CEP290: variants seen among roughly 807,000 people sequenced by gnomAD.
CEP290 encodes centrosomal protein of 290 kDa.
CEP290 carries 317 observed loss-of-function variants against 344.9 expected under a neutral mutation model. That is an observed-to-expected ratio of 0.92 (90% CI 0.84 to 1.01). CEP290 has a LOEUF of 1.01. CEP290 is among the 50% of genes least tolerant of loss of function. The pLI, the probability that CEP290 is intolerant of heterozygous loss-of-function variation, is 0.00. For missense variants in CEP290, 2,754 were observed against 2,761.4 expected, an observed-to-expected ratio of 1.00 and a Z score of 0.06; for synonymous variants, 932 against 895.8, an observed-to-expected ratio of 1.04 and a Z score of -0.72.
Position 88,118,405 on chromosome 12 carries a change from T to G in CEP290, c.1711+78A>C, listed in dbSNP as rs868360023. The G allele has an allele frequency of 1.8e-4, 217 of 1,179,654 alleles. No individual in the cohort carries two copies. In the Middle Eastern group the frequency reaches 2.8e-3, roughly 15 times the overall value. The allele number at this position is 1,179,654 out of a possible 1,614,324, so 73.1% of individuals were successfully genotyped here. ...TCCACAATAGAACAGCAAAAACAGC[T>G]AAGACACAAATAATTTCATATCCAG... On this transcript the variant is annotated intron_variant, in intron 17 of 53. Transcript: ENST00000552810.
chr12:88,098,524 A>C (rs917542319), intron 26 of CEP290, among the ~76,000 whole-genome samples: 1 of 151,958 alleles, frequency 6.6e-6, no homozygotes, highest in African/African-American at 2.4e-5. Context: ...AGGTGGGAGA[A>C]TTACTTGATC....
rs2033930168 is a variant in CEP290, at chr12:88,055,567, GTTAC to G, written c.6960+5_6960+8del. ...ATTTTATCATGTAAAGAAAAATTAC[GTTAC>G]TTACCTGTTGTTCAAGGTCTTCATT... On this transcript the variant is annotated splice_donor_5th_base_variant and intron_variant, in intron 50 of 53. Coordinates refer to ENST00000552810, the MANE Select transcript of CEP290 (RefSeq NM_025114.4). 1.9e-6 allele frequency: 3 copies of G among 1,556,398 alleles called. No individual in the cohort carries two copies. Among genetic ancestry groups the G allele is most frequent in the Non-Finnish European group, 2.6e-6 (3 of 1,153,388 alleles).
At chr12:88,078,748 A>C (rs1024168120) in intron 39 of CEP290, among the ~76,000 whole-genome samples, 23 of 152,100 alleles carry the variant, frequency 1.5e-4, no homozygotes, top group African/African-American at 9.7e-5. Context: ...GATATACAGG[A>C]AATCTCTGTA....
At chr12:88,078,112 C>T (rs538575632) in intron 39 of CEP290, among the ~76,000 whole-genome samples, 194 bp from the exon 40 acceptor site, 9 of 146,804 alleles carry the variant, frequency 6.1e-5, no homozygotes, top group South Asian at 2.1e-4. Flanking sequence ...GGAAAAAAGT[C>T]GACTTTGAGA....
At chr12:88,102,641 TTGTGTG>T (rs59853208) in intron 26 of CEP290, among the ~76,000 whole-genome samples, 191 bp downstream of exon 26, 1 of 151,146 alleles carries the variant, frequency 6.6e-6, no homozygotes, top group African/African-American at 2.4e-5. Flanking sequence ...AGATAATATA[TTGTGTG>T]TGTGTGTGTG....
At chr12:88,086,294 A>C in intron 33 of CEP290, 97 bp downstream of exon 33, 1 of 1,418,556 alleles carries the variant, frequency 7.0e-7, no homozygotes, top group Non-Finnish European at 9.5e-7. Flanking sequence ...TATACAATAT[A>C]ACATCAATTA....
rs184018899 is a variant in CEP290 at position 88,118,524 on chromosome 12, C to T, written c.1670G>A (p.Arg557His). The change falls in exon 17 of 54, where the codon CGT becomes CAT. Residue 557 changes from arginine to histidine, a missense_variant. Physicochemically the swap from Arg to His is conservative, Grantham distance 29 (BLOSUM62 0). Coordinates refer to ENST00000552810, the MANE Select transcript of CEP290 (RefSeq NM_025114.4). ...EERLDLKKKI[R>H]QMAQERGKRS... Reference sequence around the variant, plus strand: ...TTTTCCTCTTTCTTGAGCCATTTGACGAATTTTTTTTTTCAGATCAAGTCG... The same window carrying T: ...TTTTCCTCTTTCTTGAGCCATTTGATGAATTTTTTTTTTCAGATCAAGTCG... The T allele has an allele frequency of 6.9e-4, 1,091 of 1,573,566 alleles. 2 individuals carry two copies. Among genetic ancestry groups the T allele is most frequent in the Non-Finnish European group, 8.0e-4 (928 of 1,157,476 alleles).
intron 11 of CEP290, among the ~76,000 whole-genome samples, chr12:88,128,631 G>A (rs2039875720): frequency 6.6e-6 from 1 of 152,028 alleles, no homozygotes; most frequent in Non-Finnish European, 1.5e-5. Flanking sequence ...AGGTAACTAT[G>A]AGTTAAGTAA....
In CEP290 at chr12:88,080,401, G is replaced by A. The variant is rs2137107114; in HGVS notation, c.5013-6C>T. On this transcript the variant is annotated splice_polypyrimidine_tract_variant and splice_region_variant and intron_variant, in intron 37 of 53. Transcript: ENST00000552810. ...CTTCATGGTTTTCTTGAAGCCTGATGTAAATAAACATATGTGTGTGTGTGT... is the reference window on the plus strand; with the variant it reads ...CTTCATGGTTTTCTTGAAGCCTGATATAAATAAACATATGTGTGTGTGTGT... 1 of 1,598,436 alleles carries A rather than the reference G, an allele frequency of 6.3e-7. No homozygotes were observed. Among genetic ancestry groups the A allele is most frequent in the Non-Finnish European group, 8.6e-7 (1 of 1,167,912 alleles).
At chr12:88,066,798 G>C (rs1234201951) in intron 44 of CEP290, among the ~76,000 whole-genome samples, 1 of 152,036 alleles carries the variant, frequency 6.6e-6, no homozygotes, top group African/African-American at 2.4e-5. Context: ...CACCACATCT[G>C]TCTAAATTTT....
intron 49 of CEP290, among the ~76,000 whole-genome samples, chr12:88,056,809 T>G (rs1271756083): frequency 6.6e-6 from 1 of 152,190 alleles, no homozygotes; most frequent in Non-Finnish European, 1.5e-5. Context: ...CCAAAAGAGA[T>G]CTCTCTAAAC....
At position 88,062,713 on chromosome 12, in the gene CEP290, C is replaced by A. The variant is rs1475220538; in HGVS notation, c.6336G>T (p.Arg2112=). 6.2e-7 allele frequency: 1 copy of A among 1,604,108 alleles called. No homozygotes were observed. Among genetic ancestry groups the A allele is most frequent in the African/African-American group, 1.3e-5 (1 of 74,928 alleles). ...FLKKEKAEVQ[R]KLGHVRGSGR... ...ATACCCCTCTAACATGGCCAAGTTT[C>A]CGCTGAACTTCTGCTTTTTCTTTCT... Residue 2112 remains arginine (R), a synonymous_variant, in exon 46 of 54, where the codon CGG becomes CGT. Transcript: ENST00000552810.
intron 41 of CEP290, among the ~76,000 whole-genome samples, chr12:88,075,290 GT>G (rs5799852): frequency 0.92 from 140,158 of 152,202 alleles, 64,720 homozygotes; most frequent in East Asian, 0.99. Flanking sequence ...TCCAAAACAG[GT>G]TATGTTCTAG....
chr12:88,076,515 C>G (rs2137037717), intron 41 of CEP290, among the ~76,000 whole-genome samples: 1 of 152,122 alleles, frequency 6.6e-6, no homozygotes, highest in Admixed American at 6.6e-5. Flanking sequence ...TCAACATTTC[C>G]CAGTTCACTT....
Position 88,112,807 on chromosome 12 carries a change from G to GTTAGTATATAAGTT in CEP290, c.2053-950_2053-949insAACTTATATACTAA, listed in dbSNP as rs2038785656. Reference sequence around the variant, plus strand: ...GAGTAATAACTTATACTAACTCAAAGAGGATATAAGGAAGATAAAAGTAGG... The same window carrying GTTAGTATATAAGTT: ...GAGTAATAACTTATACTAACTCAAAGTTAGTATATAAGTTAGGATATAAGGAAGATAAAAGTAGG... On this transcript the variant is annotated intron_variant, in intron 20 of 53. Transcript: ENST00000552810. Among the ~76,000 whole-genome samples, 3 of 152,092 alleles carry GTTAGTATATAAGTT rather than the reference G, an allele frequency of 2.0e-5. No homozygotes were observed. In the East Asian group the frequency reaches 5.8e-4, roughly 29 times the overall value.
chr12:88,117,282 A>G lies in CEP290; in HGVS notation c.1712-137T>C, dbSNP rs545876166. On this transcript the variant is annotated intron_variant, in intron 17 of 53. Transcript: ENST00000552810. ...GTTTCCAAAATCCCTCCAAAATTCTACATAGCCAATACAAGCTTCTCATTT... is the reference window on the plus strand; with the variant it reads ...GTTTCCAAAATCCCTCCAAAATTCTGCATAGCCAATACAAGCTTCTCATTT... The G allele has an allele frequency of 2.0e-5, 11 of 547,588 alleles. No homozygotes were observed. In the African/African-American group the frequency reaches 2.2e-4, roughly 11 times the overall value. The allele number at this position is 547,588 out of a possible 1,614,324, so 33.9% of individuals were successfully genotyped here.
chr12:88,085,026 A>G (rs931603146), intron 34 of CEP290, among the ~76,000 whole-genome samples, 174 bp from the exon 35 acceptor site: 2 of 152,146 alleles, frequency 1.3e-5, no homozygotes, highest in Non-Finnish European at 2.9e-5. Flanking sequence ...AATTGACAGC[A>G]GTTATTTGCA....
chr12:88,115,625 C>A (rs990501795), intron 18 of CEP290: 4 of 1,130,642 alleles, frequency 3.5e-6, no homozygotes, highest in East Asian at 5.8e-5. Context: ...CAATGTACTG[C>A]ATTTTAGATT....
intron 22 of CEP290, 59 bp downstream of exon 22, chr12:88,111,143 C>G: frequency 1.3e-5 from 12 of 944,230 alleles, no homozygotes; most frequent in Non-Finnish European, 1.7e-5. Flanking sequence ...AACATACTAC[C>G]AATGATTTTT....
Sources: gnomAD v4.1 joint callset for allele counts (sites outside exome capture counted in the v4.1 genomes callset) on GRCh38, gnomAD v4.1.1 for gene constraint, MANE v1.5 for transcripts, NCBI Gene and HGNC (gene_info 2026-07-23, HGNC 2026-07-21) for gene names.